The following LRMDA variants were observed in gnomAD, a reference collection of about 807,000 sequenced individuals.
LRMDA encodes leucine-rich melanocyte differentiation-associated protein.
LRMDA carries 18 observed loss-of-function variants against 29.8 expected under a neutral mutation model. The ratio of observed to expected loss-of-function variants is 0.60; its 90% confidence interval spans 0.42 to 0.90. LRMDA has a LOEUF of 0.90. LRMDA is among the 40% of genes least tolerant of loss of function. The pLI is 0.00. For missense variants in LRMDA, 273 were observed against 273.9 expected, an observed-to-expected ratio of 1.00 and a Z score of 0.02; for synonymous variants, 125 against 109.4, an observed-to-expected ratio of 1.14 and a Z score of -0.89.
chr10:75,674,556 T>C (rs1157477006), intron 2 of LRMDA, among the ~76,000 whole-genome samples: 1 of 152,186 alleles, frequency 6.6e-6, no homozygotes, highest in Non-Finnish European at 1.5e-5. Context: ...TGAATGTTAC[T>C]GTTTGAGCCT....
intron 5 of LRMDA, among the ~76,000 whole-genome samples, chr10:76,158,427 G>A (rs750205738): frequency 1.1e-4 from 16 of 151,986 alleles, no homozygotes; most frequent in Admixed American, 2.0e-4. Flanking sequence ...TATGTTTTTA[G>A]GCACTTATTC....
chr10:76,351,464 C>A (rs1462742868), intron 6 of LRMDA, among the ~76,000 whole-genome samples: 1 of 152,058 alleles, frequency 6.6e-6, no homozygotes, highest in South Asian at 2.1e-4. Flanking sequence ...TCCTACTATT[C>A]TAGTTTCTCT....
At chr10:76,372,174 T>C (rs1175663955) in intron 6 of LRMDA, among the ~76,000 whole-genome samples, 3 of 152,232 alleles carry the variant, frequency 2.0e-5, no homozygotes, top group Non-Finnish European at 4.4e-5. Context: ...CAGTTCACTG[T>C]GACCCTTAAA....
At chr10:75,968,925 T>C (rs1317116514) in intron 2 of LRMDA, among the ~76,000 whole-genome samples, 1 of 152,216 alleles carries the variant, frequency 6.6e-6, no homozygotes, top group African/African-American at 2.4e-5. Context: ...GTATGGGTTT[T>C]GTTTCTGTTT....
chr10:75,729,628 A>G (rs2132196811), intron 2 of LRMDA, among the ~76,000 whole-genome samples: 1 of 152,300 alleles, frequency 6.6e-6, no homozygotes. Flanking sequence ...GGGCAGGCAA[A>G]GAAATGGGGT....
chr10:75,737,931 A>G (rs911084237), intron 2 of LRMDA, among the ~76,000 whole-genome samples: 3 of 152,202 alleles, frequency 2.0e-5, no homozygotes, highest in Admixed American at 6.5e-5. Context: ...CTGGAAGCAC[A>G]GTTTTGCTCC....
chr10:75,915,732 G>T (rs894708269), intron 2 of LRMDA, among the ~76,000 whole-genome samples: 1 of 152,174 alleles, frequency 6.6e-6, no homozygotes, highest in South Asian at 2.1e-4. Context: ...AGGTGACTGG[G>T]CTAGGCAGTG....
intron 2 of LRMDA, among the ~76,000 whole-genome samples, chr10:75,618,690 G>T (rs1023423993): frequency 6.7e-6 from 1 of 148,988 alleles, no homozygotes; most frequent in Non-Finnish European, 1.5e-5. Flanking sequence ...CATATATTTT[G>T]TATATATATT....
chr10:76,010,484 T>C (rs1324231286), intron 2 of LRMDA, among the ~76,000 whole-genome samples: 1 of 152,078 alleles, frequency 6.6e-6, no homozygotes, highest in Non-Finnish European at 1.5e-5. Flanking sequence ...GGCTAATTTT[T>C]TGTATTTTTA....
chr10:75,879,148 T>A (rs1457943344), intron 2 of LRMDA, among the ~76,000 whole-genome samples: 1 of 152,156 alleles, frequency 6.6e-6, no homozygotes, highest in Non-Finnish European at 1.5e-5. Context: ...AGTAGCGGTG[T>A]CAGTCTTATA....
chr10:76,263,695 G>A (rs922570968), intron 5 of LRMDA, among the ~76,000 whole-genome samples: 2 of 152,198 alleles, frequency 1.3e-5, no homozygotes, highest in Non-Finnish European at 2.9e-5. Context: ...GAAGAATACT[G>A]TGTAGGAGCA....
intron 6 of LRMDA, among the ~76,000 whole-genome samples, chr10:76,453,181 T>G (rs1363431640): frequency 6.6e-6 from 1 of 152,204 alleles, no homozygotes; most frequent in African/African-American, 2.4e-5. Context: ...AAAGCTCTTG[T>G]AAGGACTGAT....
intron 2 of LRMDA, among the ~76,000 whole-genome samples, chr10:75,440,403 C>T (rs189079038): frequency 6.6e-6 from 1 of 151,768 alleles, no homozygotes; most frequent in East Asian, 1.9e-4. Flanking sequence ...TGTGTGAACT[C>T]CACACTGGAC....
intron 5 of LRMDA, among the ~76,000 whole-genome samples, chr10:76,301,893 GT>G (rs1840485185): frequency 6.6e-6 from 1 of 152,184 alleles, no homozygotes; most frequent in South Asian, 2.1e-4. Flanking sequence ...TGTTCATGTT[GT>G]TGAGCATTTT....
At chr10:76,115,126 C>T (rs1849646778) in intron 5 of LRMDA, among the ~76,000 whole-genome samples, 1 of 152,218 alleles carries the variant, frequency 6.6e-6, no homozygotes, top group Non-Finnish European at 1.5e-5. Flanking sequence ...GTGTTGGGGC[C>T]ATTTCCAGGC....
chr10:75,996,315 G>C (rs1847460843), intron 2 of LRMDA, among the ~76,000 whole-genome samples: 1 of 152,206 alleles, frequency 6.6e-6, no homozygotes. Flanking sequence ...CTAGGTTCAT[G>C]GGGAGTTTTG....
chr10:76,177,990 C>T (rs1276813462), intron 5 of LRMDA, among the ~76,000 whole-genome samples: 1 of 152,222 alleles, frequency 6.6e-6, no homozygotes, highest in Non-Finnish European at 1.5e-5. Flanking sequence ...GCTTAGCTCA[C>T]ATTGGCTGTT....
intron 5 of LRMDA, among the ~76,000 whole-genome samples, chr10:76,266,148 G>C (rs192547340): frequency 6.6e-6 from 1 of 151,996 alleles, no homozygotes; most frequent in Non-Finnish European, 1.5e-5. Flanking sequence ...AGGATTAACC[G>C]GGATAATAAA....
chr10:76,523,443 A>G (rs78563982), intron 6 of LRMDA, among the ~76,000 whole-genome samples: 2,952 of 152,176 alleles, frequency 0.019, 68 homozygotes, highest in African/African-American at 0.056. Context: ...CACCTTCCCA[A>G]CTCAAGGCGG....
Sources: allele counts gnomAD v4.1 joint callset (sites outside exome capture counted in the v4.1 genomes callset), GRCh38; gene constraint gnomAD v4.1.1; transcripts MANE v1.5; gene names NCBI Gene and HGNC (gene_info 2026-07-23, HGNC 2026-07-21).